Variants in DENND1A observed in about 807,000 individuals in gnomAD.
DENND1A encodes the protein DENN domain containing 1A, also known as DENN domain-containing protein 1A.
A neutral mutation model predicts 113.7 loss-of-function variants in DENND1A; 51 were observed. The observed-to-expected ratio is 0.45, with a 90% confidence interval of 0.36 to 0.57. The LOEUF is 0.57. Ranked by LOEUF, DENND1A falls within the 20% of genes least tolerant of loss-of-function variation. DENND1A has a pLI of 0.00. For synonymous variants in DENND1A, 565 were observed against 570.8 expected (o/e 0.99, Z 0.14); for missense variants, 1,258 against 1,395.9 (o/e 0.90, Z 1.57).
At chr9:123,534,720 C>T (rs10116178) in intron 13 of DENND1A, among the ~76,000 whole-genome samples, 56,890 of 152,094 alleles carry the variant, frequency 0.37, 11,618 homozygotes, top group African/African-American at 0.54. Flanking sequence ...CCTTGATTAT[C>T]AGTTGAGTGT....
chr9:123,732,732 T>C (rs570223240), intron 5 of DENND1A, among the ~76,000 whole-genome samples: 2 of 152,330 alleles, frequency 1.3e-5, no homozygotes, highest in South Asian at 2.1e-4. Flanking sequence ...AATGAATACA[T>C]TGCAACTCTT....
At chr9:123,636,870 A>C (rs1001936685) in intron 9 of DENND1A, among the ~76,000 whole-genome samples, 4 of 151,426 alleles carry the variant, frequency 2.6e-5, no homozygotes, top group Admixed American at 6.6e-5. Context: ...CTAATTTTGT[A>C]TTTTTAATAG....
chr9:123,784,904 A>G (rs1172263600), intron 3 of DENND1A, among the ~76,000 whole-genome samples: 1 of 152,142 alleles, frequency 6.6e-6, no homozygotes, highest in African/African-American at 2.4e-5. Flanking sequence ...AAATGTCTCA[A>G]TTTTTCAATT....
chr9:123,643,702 C>A (rs1178947631), intron 9 of DENND1A, among the ~76,000 whole-genome samples: 2 of 152,128 alleles, frequency 1.3e-5, no homozygotes, highest in Non-Finnish European at 2.9e-5. Flanking sequence ...GGGAGACAGC[C>A]AAGTCTAAGA....
At chr9:123,875,260 T>C (rs1447565888) in intron 2 of DENND1A, among the ~76,000 whole-genome samples, 1 of 152,134 alleles carries the variant, frequency 6.6e-6, no homozygotes, top group Non-Finnish European at 1.5e-5. Context: ...GTCAGGATAG[T>C]AGTTACCTCT....
At chr9:123,585,497 T>C (rs2059120606) in intron 11 of DENND1A, among the ~76,000 whole-genome samples, 1 of 152,192 alleles carries the variant, frequency 6.6e-6, no homozygotes, top group South Asian at 2.1e-4. Context: ...GCGCTTTTGT[T>C]ATATGAAGCA....
chr9:123,654,654 G>GT (rs2062838333), intron 8 of DENND1A, among the ~76,000 whole-genome samples: 1 of 152,222 alleles, frequency 6.6e-6, no homozygotes, highest in African/African-American at 2.4e-5. Flanking sequence ...TTAAAAATAC[G>GT]TAACATTTAG....
rs748274474 is a variant in DENND1A at position 123,550,711 on chromosome 9, A to G, written c.993+6859T>C. Among the ~76,000 whole-genome samples, 100 of 152,380 alleles carry G rather than the reference A, an allele frequency of 6.6e-4. 1 individual carries two copies. The highest frequency in any genetic ancestry group is 1.3e-3 in the Non-Finnish European group (88 of 68,032). On this transcript the variant is annotated intron_variant, in intron 13 of 23. Coordinates refer to ENST00000394215, the MANE Select transcript of DENND1A (RefSeq NM_001352964.2). The stretch of plus-strand genomic sequence containing the variant: ...AGCCTTATTCAGATTTCATGATGAT[A>G]TAATTTTAAACAAAGGAGTGAGGTA...
In DENND1A at chr9:123,631,599, C is replaced by T. The variant is rs150513148; in HGVS notation, c.619-1123G>A. ...TCCCAAGAAAGTCCTCCAAATTTTC[C>T]CCTAGCATTTAACTCTTCAGTCCAT... On this transcript the variant is annotated intron_variant, in intron 9 of 23. Transcript: ENST00000394215. 1.6e-4 allele frequency among the ~76,000 whole-genome samples: 24 copies of T among 152,270 alleles called. No homozygotes were observed. In the East Asian group the frequency reaches 4.6e-3, roughly 29 times the overall value.
chr9:123,744,604 T>A (rs1168979694), intron 5 of DENND1A, among the ~76,000 whole-genome samples: 1 of 152,140 alleles, frequency 6.6e-6, no homozygotes, highest in Non-Finnish European at 1.5e-5. Context: ...CATTACCAAG[T>A]GTCATCTGCA....
intron 2 of DENND1A, among the ~76,000 whole-genome samples, chr9:123,826,365 T>C (rs1839330534): frequency 1.3e-5 from 2 of 152,050 alleles, no homozygotes; most frequent in African/African-American, 4.8e-5. Flanking sequence ...ATCACTCCAC[T>C]GCACTACAGC....
At chr9:123,849,716 T>C (rs111261865) in intron 2 of DENND1A, among the ~76,000 whole-genome samples, 1,575 of 152,282 alleles carry the variant, frequency 0.01, 34 homozygotes, top group African/African-American at 0.034. Flanking sequence ...GCAAAATAAA[T>C]TGAAAACCTT....
intron 5 of DENND1A, among the ~76,000 whole-genome samples, chr9:123,714,494 A>C (rs1342882293): frequency 3.3e-5 from 5 of 152,028 alleles, no homozygotes; most frequent in East Asian, 1.9e-4. Flanking sequence ...CCCAGCTACC[A>C]GGGAGGCTGA....
intron 5 of DENND1A, among the ~76,000 whole-genome samples, chr9:123,723,074 T>C (rs536743994): frequency 1.1e-3 from 165 of 152,296 alleles, no homozygotes; most frequent in Admixed American, 1.6e-3. Flanking sequence ...CCCAAGACCA[T>C]GGGAACCCAC....
chr9:123,649,766 T>C (rs749589506), intron 9 of DENND1A, among the ~76,000 whole-genome samples: 1 of 152,220 alleles, frequency 6.6e-6, no homozygotes, highest in Non-Finnish European at 1.5e-5. Flanking sequence ...TTTGTGTTTG[T>C]AGATTTATTC....
In DENND1A at chr9:123,557,643, C is replaced by A; in HGVS notation, c.920G>T (p.Gly307Val). 1 of 1,614,098 alleles carries A rather than the reference C, an allele frequency of 6.2e-7. No individual in the cohort carries two copies. The highest frequency in any genetic ancestry group is 8.5e-7 in the Non-Finnish European group (1 of 1,179,984). The change falls in exon 13 of 24, where the codon GGT becomes GTT. Residue 307 changes from glycine to valine, a missense_variant. This residue lies in a region of DENND1A where 1,159 missense variants were observed against 1,231.7 expected (regional missense o/e 0.94). Coordinates refer to ENST00000394215, the MANE Select transcript of DENND1A (RefSeq NM_001352964.2). ...GGCCTTGAGGAACGCTCTGGCCACA[C>A]CATCCCCAGTGGTTGTGGAGACCTT... ...LKKVSTTTGD[G>V]VARAFLKAQA...
At chr9:123,763,872 C>T (rs1446677623) in intron 4 of DENND1A, among the ~76,000 whole-genome samples, 1 of 152,064 alleles carries the variant, frequency 6.6e-6, no homozygotes, top group Admixed American at 6.6e-5. Context: ...AAGCAGAAGA[C>T]AAGCTGAAGA....
chr9:123,690,342 G>A (rs1356090203), intron 5 of DENND1A, among the ~76,000 whole-genome samples: 1 of 152,078 alleles, frequency 6.6e-6, no homozygotes, highest in Admixed American at 6.6e-5. Context: ...TGAGCATGCA[G>A]TGCCTTAAAA....
intron 5 of DENND1A, among the ~76,000 whole-genome samples, chr9:123,723,665 G>A (rs971521914): frequency 2.0e-5 from 3 of 152,120 alleles, no homozygotes; most frequent in Non-Finnish European, 4.4e-5. Context: ...TTTGCTTGCT[G>A]CCATCCATGT....
Sources: allele counts gnomAD v4.1 joint callset (sites outside exome capture counted in the v4.1 genomes callset), GRCh38; gene constraint gnomAD v4.1.1; regional missense constraint gnomAD v4.1.1; transcripts MANE v1.5; gene names NCBI Gene and HGNC (gene_info 2026-07-23, HGNC 2026-07-21).